CAMSAP2: variants seen among roughly 807,000 people sequenced by gnomAD.
CAMSAP2 encodes the protein calmodulin-regulated spectrin-associated protein 2.
Under a neutral mutation model 146.1 loss-of-function variants are expected in CAMSAP2, and 26 were observed. The observed-to-expected ratio is 0.18, with a 90% confidence interval of 0.13 to 0.25. CAMSAP2 has a LOEUF of 0.25. CAMSAP2 is among the 10% of genes least tolerant of loss of function. The probability of loss-of-function intolerance (pLI) is 1.00; values close to 1 mark genes in which losing one functional copy is unlikely to be tolerated. For synonymous variants in CAMSAP2, 499 were observed against 596.6 expected (o/e 0.84, Z 2.38); for missense variants, 1,381 against 1,759.3 (o/e 0.78, Z 3.85).
intron 2 of CAMSAP2, among the ~76,000 whole-genome samples, chr1:200,786,899 C>CAGGCTACT (rs1351730188): frequency 2.0e-5 from 3 of 152,014 alleles, no homozygotes; most frequent in African/African-American, 7.3e-5. Context: ...CACTTAAGAA[C>CAGGCTACT]TATGCTAAAT....
At chr1:200,819,972 G>A (rs1029108058) in intron 4 of CAMSAP2, among the ~76,000 whole-genome samples, 2 of 152,042 alleles carry the variant, frequency 1.3e-5, no homozygotes, top group African/African-American at 4.8e-5. Flanking sequence ...GGATGAATTT[G>A]GCAGAATCAG....
At chr1:200,818,461 A>G (rs533812148) in intron 4 of CAMSAP2, among the ~76,000 whole-genome samples, 2 of 152,294 alleles carry the variant, frequency 1.3e-5, no homozygotes, top group African/African-American at 4.8e-5. Flanking sequence ...TCATTTTTAA[A>G]TATTTGATTA....
intron 2 of CAMSAP2, among the ~76,000 whole-genome samples, chr1:200,803,220 T>C (rs1666080900): frequency 6.6e-6 from 1 of 152,230 alleles, no homozygotes; most frequent in Non-Finnish European, 1.5e-5. Context: ...AATCCCTACA[T>C]CACTGCCTCC....
chr1:200,787,370 A>C (rs1161669342), intron 2 of CAMSAP2, among the ~76,000 whole-genome samples: 1 of 152,190 alleles, frequency 6.6e-6, no homozygotes, highest in Non-Finnish European at 1.5e-5. Context: ...TTGATTTCCA[A>C]CTTTTAGGGA....
Position 200,788,422 on chromosome 1 carries a change from A to T in CAMSAP2, c.400-18954A>T, listed in dbSNP as rs61827514. On this transcript the variant is annotated intron_variant, in intron 2 of 16. Coordinates refer to ENST00000358823, the MANE Select transcript of CAMSAP2 (RefSeq NM_203459.4). The stretch of plus-strand genomic sequence containing the variant: ...ATGGAGTGTGATTGCTGGATCATAG[A>T]GTAATAATATGTTTAGTTTTGTAAG... Among the ~76,000 whole-genome samples, 743 of 152,206 alleles carry T rather than the reference A, an allele frequency of 4.9e-3. 3 individuals carry two copies. The highest frequency in any genetic ancestry group is 7.3e-3 in the Non-Finnish European group (496 of 68,008).
intron 11 of CAMSAP2, among the ~76,000 whole-genome samples, chr1:200,850,438 T>A (rs1190117701): frequency 6.6e-6 from 1 of 152,188 alleles, no homozygotes; most frequent in Admixed American, 6.5e-5. Context: ...TTTTATCACA[T>A]GTTTAGATGT....
intron 6 of CAMSAP2, among the ~76,000 whole-genome samples, chr1:200,835,433 A>AT (rs1667161099): frequency 6.6e-6 from 1 of 152,196 alleles, no homozygotes; most frequent in Non-Finnish European, 1.5e-5. Flanking sequence ...GGATTTGGTC[A>AT]TTTATTCATT....
intron 7 of CAMSAP2, among the ~76,000 whole-genome samples, chr1:200,842,350 C>T (rs1667345794): frequency 6.6e-6 from 1 of 152,114 alleles, no homozygotes; most frequent in Non-Finnish European, 1.5e-5. Flanking sequence ...CATCTTTTAT[C>T]GTTATCCCAG....
At chr1:200,834,079 C>T (rs1321179465) in intron 6 of CAMSAP2, among the ~76,000 whole-genome samples, 1 of 152,066 alleles carries the variant, frequency 6.6e-6, no homozygotes. Context: ...AAATAATAAT[C>T]ATGGCTGAGC....
At position 200,817,226 on chromosome 1, in the gene CAMSAP2, G is replaced by A. The variant is rs1258642044; in HGVS notation, c.645+1582G>A. ...TATACACACATACACACATATGTGT[G>A]TGTATATACACACATACACACATAT... On this transcript the variant is annotated intron_variant, in intron 4 of 16. Coordinates refer to ENST00000358823, the MANE Select transcript of CAMSAP2 (RefSeq NM_203459.4). Among the ~76,000 whole-genome samples the A allele has an allele frequency of 8.1e-4, 75 of 92,904 alleles. 3 individuals carry two copies. The highest frequency in any genetic ancestry group is 3.1e-3 in the African/African-American group (72 of 23,322). 60.9% of individuals were successfully genotyped at this position (92,904 alleles called of 152,430 possible).
intron 3 of CAMSAP2, among the ~76,000 whole-genome samples, chr1:200,811,027 C>G (rs961033495): frequency 6.6e-6 from 1 of 152,346 alleles, no homozygotes; most frequent in East Asian, 1.9e-4. Context: ...CTGCTCTTCT[C>G]TCTCTCTCCC....
At chr1:200,831,177 C>G (rs1183741179) in intron 4 of CAMSAP2, among the ~76,000 whole-genome samples, 1 of 152,128 alleles carries the variant, frequency 6.6e-6, no homozygotes, top group Non-Finnish European at 1.5e-5. Flanking sequence ...TAGCAAAATA[C>G]TTTCGTGTGT....
rs371080129 is a variant in CAMSAP2, at chr1:200,739,815, G to A, written c.-13G>A. The A allele has an allele frequency of 1.9e-6, 3 of 1,612,714 alleles. No homozygotes were observed. The highest frequency in any genetic ancestry group is 1.1e-5 in the South Asian group (1 of 90,884). On this transcript the variant is annotated 5_prime_UTR_variant, in exon 1 of 17. Coordinates refer to ENST00000358823, the MANE Select transcript of CAMSAP2 (RefSeq NM_203459.4). The surrounding 1 kb of genome is among the most constrained non-coding windows in gnomAD (Gnocchi z 4.8). The stretch of plus-strand genomic sequence containing the variant: ...GGTTAGGGCCGGGACATCCCGAGGA[G>A]CCGCGGTGAAAGATGGGGGATGCTG...
In CAMSAP2 at chr1:200,842,016, C is replaced by G. The variant is rs761400596; in HGVS notation, c.950C>G (p.Ala317Gly). The G allele has an allele frequency of 6.2e-7, 1 of 1,613,448 alleles. No homozygotes were observed. Among genetic ancestry groups the G allele is most frequent in the Admixed American group, 1.7e-5 (1 of 60,018 alleles). ...TAGAGTAATTATTTGGTGTTCATGG[C>G]GGAACTGTTCTGGTGGTTTGAAGTG... ...SIKSNYLVFM[A>G]ELFWWFEVVK... The change falls in exon 7 of 17, where the codon GCG becomes GGG. Residue 317 changes from alanine to glycine, a missense_variant. This residue lies in a region of CAMSAP2 where 284 missense variants were observed against 406.9 expected (regional missense o/e 0.70). Transcript: ENST00000358823.
rs1667650893 is a variant in CAMSAP2, at chr1:200,852,647, C to T, written c.3572C>T (p.Ala1191Val). Residue 1191 changes from alanine to valine, a missense_variant, in exon 12 of 17, where the codon GCA becomes GTA. By Grantham distance (64) the Ala-to-Val change is moderately conservative. Transcript: ENST00000358823. Reference sequence around the variant, plus strand: ...CAGCTCCGGAAACAACAGTTGGAAGCAGAAATGGAGCATAAGAAGGAGGAA... The same window carrying T: ...CAGCTCCGGAAACAACAGTTGGAAGTAGAAATGGAGCATAAGAAGGAGGAA... ...ETQLRKQQLEAEMEHKKEETR... is the reference protein window; with the variant it reads ...ETQLRKQQLEVEMEHKKEETR... 2 of 1,613,532 alleles carry T rather than the reference C, an allele frequency of 1.2e-6. No individual in the cohort carries two copies. The highest frequency in any genetic ancestry group is 1.7e-6 in the Non-Finnish European group (2 of 1,179,828).
intron 12 of CAMSAP2, among the ~76,000 whole-genome samples, chr1:200,853,000 T>TACACACAC (rs67551824): frequency 2.0e-4 from 29 of 147,590 alleles, no homozygotes; most frequent in Admixed American, 7.0e-4. Flanking sequence ...TCCTGGGAGA[T>TACACACAC]ACACACACAC....
At chr1:200,765,660 C>T (rs1367965526) in intron 2 of CAMSAP2, among the ~76,000 whole-genome samples, 1 of 152,042 alleles carries the variant, frequency 6.6e-6, no homozygotes, top group Admixed American at 6.6e-5. Flanking sequence ...TAACTTTAAG[C>T]AATAGATACT....
chr1:200,803,363 C>G (rs1666084437), intron 2 of CAMSAP2, among the ~76,000 whole-genome samples: 1 of 152,154 alleles, frequency 6.6e-6, no homozygotes, highest in Non-Finnish European at 1.5e-5. Context: ...GAAAACAGTA[C>G]ATGACAGAAA....
At chr1:200,828,678 G>C (rs539683576) in intron 4 of CAMSAP2, 6 of 1,355,426 alleles carry the variant, frequency 4.4e-6, no homozygotes, top group Non-Finnish European at 6.1e-6. Flanking sequence ...ATGTCTTGCT[G>C]TTAAAGTCAT....
Sources: gnomAD v4.1 joint callset for allele counts (sites outside exome capture counted in the v4.1 genomes callset) on GRCh38, gnomAD v4.1.1 for gene constraint, gnomAD v4.1.1 regional missense constraint, Gnocchi (gnomAD v3.1) non-coding constraint, MANE v1.5 for transcripts, NCBI Gene and HGNC (gene_info 2026-07-23, HGNC 2026-07-21) for gene names.